The following DLG2 variants were observed in gnomAD, a reference collection of about 807,000 sequenced individuals.
DLG2 encodes disks large homolog 2.
DLG2 carries 45 observed loss-of-function variants against 132.5 expected under a neutral mutation model. The ratio of observed to expected loss-of-function variants is 0.34; its 90% CI spans 0.27 to 0.44. The LOEUF (loss-of-function observed/expected upper bound fraction) is 0.44. DLG2 is among the 20% of genes least tolerant of loss of function. DLG2 has a pLI of 1.00. For synonymous variants in DLG2, 424 were observed against 419.6 expected (o/e 1.01, Z -0.13); for missense variants, 1,045 against 1,196.9 (o/e 0.87, Z 1.87).
chr11:83,685,794 T>C (rs2079637515), intron 18 of DLG2, among the ~76,000 whole-genome samples: 1 of 152,092 alleles, frequency 6.6e-6, no homozygotes. Context: ...AATAGGCTTC[T>C]GATATTTAAA....
chr11:84,511,534 C>G (rs1006704219), intron 7 of DLG2, among the ~76,000 whole-genome samples: 2 of 152,150 alleles, frequency 1.3e-5, no homozygotes, highest in Non-Finnish European at 2.9e-5. Context: ...TTAGGTTCCA[C>G]AAAAATTTCC....
chr11:83,708,493 C>A (rs1389907726), intron 18 of DLG2, among the ~76,000 whole-genome samples: 1 of 152,104 alleles, frequency 6.6e-6, no homozygotes, highest in Non-Finnish European at 1.5e-5. Context: ...GGTGTGAAGC[C>A]ATAAAACAAG....
At chr11:84,134,572 A>C (rs1465693959) in intron 9 of DLG2, among the ~76,000 whole-genome samples, 2 of 152,018 alleles carry the variant, frequency 1.3e-5, no homozygotes, top group Non-Finnish European at 2.9e-5. Context: ...ATTCCAAGTC[A>C]CCCAGTCAGC....
At chr11:84,250,829 C>A (rs370100147) in intron 8 of DLG2, among the ~76,000 whole-genome samples, 1 of 152,148 alleles carries the variant, frequency 6.6e-6, no homozygotes, top group African/African-American at 2.4e-5. Flanking sequence ...TTATTAGAAG[C>A]CCAATAAAAT....
chr11:85,589,663 A>C (rs1015672650), intron 3 of DLG2, among the ~76,000 whole-genome samples: 1 of 152,096 alleles, frequency 6.6e-6, no homozygotes, highest in South Asian at 2.1e-4. Flanking sequence ...GCTTTTACCC[A>C]GTTGGTGAGG....
chr11:85,011,157 G>A (rs1737285280), intron 6 of DLG2, among the ~76,000 whole-genome samples: 1 of 152,114 alleles, frequency 6.6e-6, no homozygotes, highest in Non-Finnish European at 1.5e-5. Flanking sequence ...CCCTTGAGTT[G>A]AGAACCACAA....
At chr11:83,838,563 T>C (rs1215628018) in intron 16 of DLG2, among the ~76,000 whole-genome samples, 1 of 152,230 alleles carries the variant, frequency 6.6e-6, no homozygotes, top group African/African-American at 2.4e-5. Flanking sequence ...ATTTGACTCA[T>C]AATATTTACA....
intron 6 of DLG2, among the ~76,000 whole-genome samples, chr11:84,837,705 A>C (rs1459570701): frequency 6.6e-6 from 1 of 151,966 alleles, no homozygotes; most frequent in Admixed American, 6.6e-5. Flanking sequence ...ATAAAGCATA[A>C]GGGCATTCAA....
intron 7 of DLG2, among the ~76,000 whole-genome samples, chr11:84,490,670 C>G (rs909920292): frequency 2.0e-5 from 3 of 148,666 alleles, no homozygotes; most frequent in African/African-American, 7.4e-5. Context: ...AAAAAAAACC[C>G]GACAGATTTA....
chr11:84,781,180 T>C (rs2071707496), intron 6 of DLG2, among the ~76,000 whole-genome samples: 2 of 152,152 alleles, frequency 1.3e-5, no homozygotes, highest in African/African-American at 2.4e-5. Context: ...ATCTTTTGAA[T>C]GTAAGTTAGT....
At chr11:85,621,871 G>C (rs553764237) in intron 2 of DLG2, among the ~76,000 whole-genome samples, 1 of 152,356 alleles carries the variant, frequency 6.6e-6, no homozygotes, top group East Asian at 1.9e-4. Flanking sequence ...AGCAGGGTTT[G>C]AGAAAACCAA....
At chr11:84,753,290 T>A (rs1283917020) in intron 6 of DLG2, among the ~76,000 whole-genome samples, 3 of 152,118 alleles carry the variant, frequency 2.0e-5, no homozygotes, top group Non-Finnish European at 4.4e-5. Flanking sequence ...AAGATGTGAC[T>A]GGATAAAGAA....
intron 6 of DLG2, among the ~76,000 whole-genome samples, chr11:84,615,735 C>G (rs901761829): frequency 3.4e-5 from 5 of 146,402 alleles, no homozygotes; most frequent in African/African-American, 1.3e-4. Context: ...TAAAAAGGGC[C>G]CTATGATATT....
At chr11:84,167,682 TC>T (rs1230137197) in intron 8 of DLG2, among the ~76,000 whole-genome samples, 1 of 151,042 alleles carries the variant, frequency 6.6e-6, no homozygotes, top group African/African-American at 2.5e-5. Context: ...TTTTTTTTTT[TC>T]GAGACGGAGT....
intron 18 of DLG2, among the ~76,000 whole-genome samples, chr11:83,688,965 A>G (rs906446478): frequency 2.0e-5 from 3 of 152,178 alleles, no homozygotes; most frequent in African/African-American, 7.2e-5. Context: ...AGGGCTTACG[A>G]TGTCCCAGGC....
intron 15 of DLG2, among the ~76,000 whole-genome samples, chr11:83,923,930 G>C (rs1380009680): frequency 6.6e-6 from 1 of 152,028 alleles, no homozygotes; most frequent in Admixed American, 6.6e-5. Context: ...TCCTCAGCTT[G>C]GTAAGTAAGA....
chr11:83,921,844 CT>C (rs2077991064), intron 15 of DLG2, among the ~76,000 whole-genome samples: 1 of 93,008 alleles, frequency 1.1e-5, no homozygotes, highest in African/African-American at 5.2e-5. Context: ...TATTATCTCA[CT>C]TTTAACTTTT....
intron 3 of DLG2, among the ~76,000 whole-genome samples, chr11:85,508,861 C>T (rs1025391988): frequency 1.3e-5 from 2 of 151,960 alleles, no homozygotes; most frequent in African/African-American, 4.8e-5. Flanking sequence ...AAGCAATAAA[C>T]ATTTATTAAC....
At chr11:83,973,651 G>A (rs1639064146) in intron 12 of DLG2, among the ~76,000 whole-genome samples, 1 of 152,006 alleles carries the variant, frequency 6.6e-6, no homozygotes, top group Non-Finnish European at 1.5e-5. Context: ...GTTAGATCAA[G>A]GTAGGATGGT....
Sources: allele counts gnomAD v4.1 joint callset (sites outside exome capture counted in the v4.1 genomes callset), GRCh38; gene constraint gnomAD v4.1.1; transcripts MANE v1.5; gene names NCBI Gene and HGNC (gene_info 2026-07-23, HGNC 2026-07-21).